ST6GALNAC3: variants seen among roughly 807,000 people sequenced by gnomAD.
The protein encoded by ST6GALNAC3 is alpha-N-acetylgalactosaminide alpha-2,6-sialyltransferase 3.
In ST6GALNAC3, 25 loss-of-function variants were observed where a neutral mutation model predicts 32.7. That is an observed-to-expected ratio of 0.76 (90% CI 0.56 to 1.07). The LOEUF is 1.07. ST6GALNAC3 is among the 50% of genes least tolerant of loss of function. The pLI is 0.00. For missense variants in ST6GALNAC3, 355 were observed against 382.4 expected, an observed-to-expected ratio of 0.93 and a Z score of 0.60; for synonymous variants, 129 against 133.1, an observed-to-expected ratio of 0.97 and a Z score of 0.21.
Position 76,629,338 on chromosome 1 carries a change from C to A in ST6GALNAC3, c.*532C>A. 1 of 985,542 alleles carries A rather than the reference C, an allele frequency of 1.0e-6. No individual in the cohort carries two copies. Among genetic ancestry groups the A allele is most frequent in the Non-Finnish European group, 1.2e-6 (1 of 829,988 alleles). The allele number at this position is 985,542 out of a possible 1,614,324, so 61.0% of individuals were successfully genotyped here. ...TGGGAAAATATCTCTTCCTAATATA[C>A]CATCTTTCTACAGTATTTCCTACAG... On this transcript the variant is annotated 3_prime_UTR_variant, in exon 5 of 5. Coordinates refer to ENST00000328299, the MANE Select transcript of ST6GALNAC3 (RefSeq NM_152996.4).
At chr1:76,350,317 G>A (rs941501947) in intron 2 of ST6GALNAC3, among the ~76,000 whole-genome samples, 1 of 152,096 alleles carries the variant, frequency 6.6e-6, no homozygotes, top group African/African-American at 2.4e-5. Context: ...GCACATCACT[G>A]TCCCTAGCAC....
chr1:76,087,923 C>T lies in ST6GALNAC3; in HGVS notation c.18+13039C>T, dbSNP rs148528689. On this transcript the variant is annotated intron_variant, in intron 1 of 4. Coordinates refer to ENST00000328299, the MANE Select transcript of ST6GALNAC3 (RefSeq NM_152996.4). ...ACACATGATTTATTTTAAAGTTTAA[C>T]AATCCTATTAGAAATCTATTTTATC... Among the ~76,000 whole-genome samples, 114 of 152,290 alleles carry T rather than the reference C, an allele frequency of 7.5e-4. 4 individuals are homozygous for T. The highest frequency in any genetic ancestry group is 2.6e-3 in the African/African-American group (110 of 41,546).
chr1:76,587,095 A>G (rs1646973353), intron 3 of ST6GALNAC3, among the ~76,000 whole-genome samples: 1 of 152,212 alleles, frequency 6.6e-6, no homozygotes, highest in Non-Finnish European at 1.5e-5. Context: ...GACACCAGAT[A>G]TGAAGGCCAG....
rs538440373 is a variant in ST6GALNAC3 at position 76,476,142 on chromosome 1, A to T, written c.623+63725A>T. On this transcript the variant is annotated intron_variant, in intron 3 of 4. Transcript: ENST00000328299. ...GGAATTTTTATAAAACTTCAAGCAAACCGAAACTGACATACTGGCTACTTA... is the reference window on the plus strand; with the variant it reads ...GGAATTTTTATAAAACTTCAAGCAATCCGAAACTGACATACTGGCTACTTA... Among the ~76,000 whole-genome samples the T allele has an allele frequency of 3.3e-5, 5 of 152,274 alleles. No homozygotes were observed. The South Asian group carries it at 1.0e-3, about 32-fold the overall frequency.
At chr1:76,184,813 A>G (rs1168139471) in intron 1 of ST6GALNAC3, among the ~76,000 whole-genome samples, 1 of 152,142 alleles carries the variant, frequency 6.6e-6, no homozygotes, top group African/African-American at 2.4e-5. Context: ...AGTGGGGAAG[A>G]GTTCTGGTGT....
At position 76,276,769 on chromosome 1, in the gene ST6GALNAC3, T is replaced by A. The variant is rs144636638; in HGVS notation, c.19-37036T>A. Among the ~76,000 whole-genome samples, 238 of 152,312 alleles carry A rather than the reference T, an allele frequency of 1.6e-3. 1 individual carries two copies. The highest frequency in any genetic ancestry group is 6.8e-3 in the Middle Eastern group (2 of 294). ...TTATTTTCCAAAATAGAATAATATT[T>A]TCAATATAAGTAGAATATAAGAACT... is the stretch of plus-strand genomic sequence containing the variant. On this transcript the variant is annotated intron_variant, in intron 1 of 4. Transcript: ENST00000328299.
chr1:76,480,150 G>T (rs1659627614), intron 3 of ST6GALNAC3, among the ~76,000 whole-genome samples: 1 of 152,052 alleles, frequency 6.6e-6, no homozygotes, highest in Admixed American at 6.6e-5. Flanking sequence ...GATGAGAAAA[G>T]AACTTAAAGG....
intron 3 of ST6GALNAC3, among the ~76,000 whole-genome samples, chr1:76,468,711 T>A (rs959466924): frequency 1.3e-5 from 2 of 152,174 alleles, no homozygotes; most frequent in Admixed American, 6.6e-5. Context: ...CAATTGAGGC[T>A]AAGGGACTAA....
intron 1 of ST6GALNAC3, among the ~76,000 whole-genome samples, chr1:76,230,948 C>T (rs1656328382): frequency 6.6e-6 from 1 of 152,204 alleles, no homozygotes; most frequent in African/African-American, 2.4e-5. Flanking sequence ...CGCACATTTG[C>T]AATGTAAATT....
At chr1:76,216,102 C>T (rs967275298) in intron 1 of ST6GALNAC3, among the ~76,000 whole-genome samples, 2 of 152,168 alleles carry the variant, frequency 1.3e-5, no homozygotes, top group Non-Finnish European at 2.9e-5. Context: ...CCCCGCCATG[C>T]ACCATCTCAG....
intron 3 of ST6GALNAC3, among the ~76,000 whole-genome samples, chr1:76,585,280 G>A (rs1646944918): frequency 6.6e-6 from 1 of 152,042 alleles, no homozygotes; most frequent in Non-Finnish European, 1.5e-5. Flanking sequence ...CAGCTACTTG[G>A]GGGGCTGAGA....
chr1:76,511,817 C>T (rs1199854578), intron 3 of ST6GALNAC3, among the ~76,000 whole-genome samples: 4 of 152,110 alleles, frequency 2.6e-5, no homozygotes, highest in Non-Finnish European at 5.9e-5. Context: ...AATCAATATG[C>T]CGTTCAGTTT....
chr1:76,139,428 T>C (rs1650174786), intron 1 of ST6GALNAC3, among the ~76,000 whole-genome samples: 2 of 151,766 alleles, frequency 1.3e-5, no homozygotes, highest in Non-Finnish European at 1.5e-5. Flanking sequence ...ACACACACAG[T>C]TGTACATGGA....
intron 1 of ST6GALNAC3, among the ~76,000 whole-genome samples, chr1:76,234,994 C>T (rs907921048): frequency 6.6e-6 from 1 of 152,186 alleles, no homozygotes; most frequent in African/African-American, 2.4e-5. Flanking sequence ...GTGTGGGCTT[C>T]AGCTTCTCTA....
intron 1 of ST6GALNAC3, among the ~76,000 whole-genome samples, chr1:76,234,496 G>A (rs759220796): frequency 1.3e-5 from 2 of 152,148 alleles, no homozygotes; most frequent in South Asian, 2.1e-4. Flanking sequence ...TTGCAAACCC[G>A]TGCAAATCAT....
chr1:76,310,285 C>T (rs1160558295), intron 1 of ST6GALNAC3, among the ~76,000 whole-genome samples: 4 of 152,170 alleles, frequency 2.6e-5, no homozygotes, highest in African/African-American at 9.6e-5. Flanking sequence ...TAAGATCCAT[C>T]ACTTCATTAA....
intron 3 of ST6GALNAC3, among the ~76,000 whole-genome samples, chr1:76,570,289 G>A (rs1665784764): frequency 6.6e-6 from 1 of 151,976 alleles, no homozygotes; most frequent in South Asian, 2.1e-4. Flanking sequence ...CTTCACCAGT[G>A]CTTTGGATAT....
At chr1:76,556,165 A>G (rs943839409) in intron 3 of ST6GALNAC3, among the ~76,000 whole-genome samples, 5 of 152,086 alleles carry the variant, frequency 3.3e-5, no homozygotes, top group African/African-American at 1.2e-4. Flanking sequence ...CATTAAGCAT[A>G]ATATTTTCCA....
intron 1 of ST6GALNAC3, among the ~76,000 whole-genome samples, chr1:76,123,749 A>ATT (rs767734132): frequency 0.29 from 27,382 of 94,264 alleles, 4,514 homozygotes; most frequent in Non-Finnish European, 0.33. Flanking sequence ...ACTCATTTTA[A>ATT]TTTTTTTTTT....
Sources: gnomAD v4.1 joint callset for allele counts (sites outside exome capture counted in the v4.1 genomes callset) on GRCh38, gnomAD v4.1.1 for gene constraint, MANE v1.5 for transcripts, NCBI Gene and HGNC (gene_info 2026-07-23, HGNC 2026-07-21) for gene names.